The following TMEM132C variants were observed in gnomAD, a reference collection of about 807,000 sequenced individuals.
The protein encoded by TMEM132C is transmembrane protein 132C.
A neutral mutation model predicts 61.4 loss-of-function variants in TMEM132C; 29 were observed. The observed-to-expected ratio is 0.47, with a 90% CI of 0.35 to 0.64. TMEM132C has a LOEUF of 0.64. Among genes scored for constraint, TMEM132C ranks in the 30% least tolerant of loss-of-function variants. The pLI, the probability that TMEM132C is intolerant of heterozygous loss-of-function variation, is 0.00. For missense variants in TMEM132C, 1,408 were observed against 1,476.9 expected, an observed-to-expected ratio of 0.95 and a Z score of 0.76; for synonymous variants, 656 against 633.1, an observed-to-expected ratio of 1.04 and a Z score of -0.54.
chr12:128,306,445 G>A (rs1239167184), intron 1 of TMEM132C, among the ~76,000 whole-genome samples: 1 of 152,004 alleles, frequency 6.6e-6, no homozygotes, highest in Non-Finnish European at 1.5e-5. Context: ...CTCGTGATCT[G>A]CCCACCTCGG....
intron 1 of TMEM132C, among the ~76,000 whole-genome samples, chr12:128,302,994 C>T (rs1223009728): frequency 6.6e-6 from 1 of 152,190 alleles, no homozygotes; most frequent in East Asian, 1.9e-4. Context: ...CCCACCTGAC[C>T]TCCAGATGGT....
intron 3 of TMEM132C, among the ~76,000 whole-genome samples, chr12:128,595,629 G>A (rs1423101135): frequency 1.3e-5 from 2 of 152,190 alleles, no homozygotes; most frequent in African/African-American, 4.8e-5. Flanking sequence ...GTGGGGGTGA[G>A]CCTGACCCAG....
At chr12:128,526,510 G>A (rs1027009230) in intron 2 of TMEM132C, among the ~76,000 whole-genome samples, 2 of 152,178 alleles carry the variant, frequency 1.3e-5, no homozygotes, top group African/African-American at 4.8e-5. Flanking sequence ...TGGGAGTTAG[G>A]ATTTCAACAC....
At chr12:128,533,153 G>A (rs766784502) in intron 2 of TMEM132C, among the ~76,000 whole-genome samples, 1 of 152,164 alleles carries the variant, frequency 6.6e-6, no homozygotes, top group Non-Finnish European at 1.5e-5. Flanking sequence ...AAGCTGTTAT[G>A]TACATGTGAC....
At chr12:128,413,046 C>T (rs1186131628) in intron 1 of TMEM132C, among the ~76,000 whole-genome samples, 1 of 152,004 alleles carries the variant, frequency 6.6e-6, no homozygotes, top group Non-Finnish European at 1.5e-5. Context: ...CATATGTAAT[C>T]CCAGCACTTT....
intron 2 of TMEM132C, among the ~76,000 whole-genome samples, chr12:128,525,863 C>T (rs1873069453): frequency 6.6e-6 from 1 of 152,156 alleles, no homozygotes. Context: ...ATCAAAGAGG[C>T]CTGAATTTGT....
intron 1 of TMEM132C, among the ~76,000 whole-genome samples, chr12:128,366,973 C>A (rs953010024): frequency 2.6e-5 from 4 of 152,106 alleles, no homozygotes; most frequent in Admixed American, 2.6e-4. Context: ...GGAGTGAGGA[C>A]CTGGGGAAGA....
At chr12:128,645,040 G>C (rs1954185544) in intron 4 of TMEM132C, among the ~76,000 whole-genome samples, 1 of 152,154 alleles carries the variant, frequency 6.6e-6, no homozygotes, top group South Asian at 2.1e-4. Context: ...GCTGAGAGCT[G>C]CAGTGGAACT....
intron 4 of TMEM132C, among the ~76,000 whole-genome samples, chr12:128,617,075 A>C (rs1321189755): frequency 1.3e-5 from 2 of 152,206 alleles, no homozygotes; most frequent in Non-Finnish European, 2.9e-5. Flanking sequence ...TGTTTCTCAA[A>C]CATTATCGGG....
chr12:128,646,179 G>T (rs1221266228), intron 4 of TMEM132C, among the ~76,000 whole-genome samples: 4 of 152,144 alleles, frequency 2.6e-5, no homozygotes, highest in African/African-American at 9.7e-5. Flanking sequence ...CATTGGATAT[G>T]AGTGTGTTTA....
chr12:128,274,999 C>T (rs1321513135), intron 1 of TMEM132C, among the ~76,000 whole-genome samples: 1 of 152,126 alleles, frequency 6.6e-6, no homozygotes, highest in African/African-American at 2.4e-5. Flanking sequence ...AAGGATTTTC[C>T]TCCCAGAGAA....
chr12:128,564,978 TGAGA>T (rs951001293), intron 3 of TMEM132C, among the ~76,000 whole-genome samples: 1 of 152,220 alleles, frequency 6.6e-6, no homozygotes, highest in African/African-American at 2.4e-5. Flanking sequence ...GAGAATGGTC[TGAGA>T]AAGATAATAA....
chr12:128,702,823 C>T (rs936392046), intron 8 of TMEM132C, among the ~76,000 whole-genome samples: 7 of 152,206 alleles, frequency 4.6e-5, no homozygotes, highest in Non-Finnish European at 8.8e-5. Context: ...TCCCATGCCC[C>T]GTCCATGGAG....
intron 4 of TMEM132C, among the ~76,000 whole-genome samples, chr12:128,650,826 CAT>C (rs1954261071): frequency 6.6e-6 from 1 of 152,188 alleles, no homozygotes; most frequent in African/African-American, 2.4e-5. Flanking sequence ...GAGCCAATCT[CAT>C]GTGTTACTTG....
chr12:128,660,142 G>A (rs923435), intron 4 of TMEM132C, among the ~76,000 whole-genome samples: 2,137 of 152,094 alleles, frequency 0.014, 49 homozygotes, highest in African/African-American at 0.048. Flanking sequence ...ACCAAAGGTC[G>A]GCTCCACCTC....
chr12:128,584,499 C>A, intron 3 of TMEM132C, among the ~76,000 whole-genome samples: 1 of 152,232 alleles, frequency 6.6e-6, no homozygotes, highest in East Asian at 1.9e-4. Flanking sequence ...AACACTGACA[C>A]TGTTAGGGTC....
rs184248528 is a variant in TMEM132C at position 128,705,740 on chromosome 12, G to A, written c.2772G>A (p.Glu924=). ...VQTPRGLSDL[E]IGMYALLGVF... is the part of the protein sequence containing the mutation. ...CTCCGCGGGGCCTGAGTGATCTGGA[G>A]ATAGGGATGTACGCCCTCCTGGGGG... Residue 924 remains glutamate (E), a synonymous_variant, in exon 9 of 9, where the codon GAG becomes GAA. Coordinates refer to ENST00000435159, the MANE Select transcript of TMEM132C (RefSeq NM_001136103.3). The A allele has an allele frequency of 1.7e-4, 260 of 1,551,542 alleles. 1 individual carries two copies. In the African/African-American group the frequency reaches 3.2e-3, roughly 19 times the overall value.
rs546870259 is a variant in TMEM132C at position 128,328,774 on chromosome 12, A to G, written c.85+61287A>G. Among the ~76,000 whole-genome samples the G allele has an allele frequency of 2.5e-3, 375 of 147,326 alleles. 3 individuals are homozygous for G. The highest frequency in any genetic ancestry group is 9.3e-3 in the African/African-American group (360 of 38,652). ...TGCACTCCAGCCTGGGTGACAGAGCAAGATTCTGTCTTAAAAAAAAAAAAA... is the reference window on the plus strand; with the variant it reads ...TGCACTCCAGCCTGGGTGACAGAGCGAGATTCTGTCTTAAAAAAAAAAAAA... On this transcript the variant is annotated intron_variant, in intron 1 of 8. Transcript: ENST00000435159.
chr12:128,460,494 A>G (rs534179441), intron 2 of TMEM132C, among the ~76,000 whole-genome samples: 180 of 152,260 alleles, frequency 1.2e-3, no homozygotes, highest in Middle Eastern at 3.4e-3. Flanking sequence ...AATTCCTGTG[A>G]ATGACTTTAC....
Sources: allele counts gnomAD v4.1 joint callset (sites outside exome capture counted in the v4.1 genomes callset), GRCh38; gene constraint gnomAD v4.1.1; transcripts MANE v1.5; gene names NCBI Gene and HGNC (gene_info 2026-07-23, HGNC 2026-07-21).